The following TLK1 variants were observed in gnomAD, a reference collection of about 807,000 sequenced individuals.
TLK1 encodes serine/threonine-protein kinase tousled-like 1.
A neutral mutation model predicts 105.3 loss-of-function variants in TLK1; 24 were observed. That is an observed-to-expected ratio of 0.23 (90% CI 0.17 to 0.32). TLK1 has a LOEUF of 0.32. TLK1 is among the 10% of genes least tolerant of loss of function. The pLI is 1.00. For synonymous variants in TLK1, 321 were observed against 310.4 expected, an observed-to-expected ratio of 1.03 and a Z score of -0.36; for missense variants, 558 against 910.5, an observed-to-expected ratio of 0.61 and a Z score of 4.98.
At chr2:171,221,863 C>T (rs1208050620) in intron 1 of TLK1, among the ~76,000 whole-genome samples, 1 of 152,144 alleles carries the variant, frequency 6.6e-6, no homozygotes, top group African/African-American at 2.4e-5. Flanking sequence ...CCTTATTGGG[C>T]CTTATTTAAC....
intron 1 of TLK1, among the ~76,000 whole-genome samples, chr2:171,226,389 A>G (rs557354721): frequency 3.5e-4 from 54 of 152,320 alleles, no homozygotes; most frequent in Middle Eastern, 6.8e-3. Context: ...ATTTCCTAAA[A>G]GGCATCTGGT....
intron 1 of TLK1, among the ~76,000 whole-genome samples, chr2:171,202,051 T>C (rs1693410005): frequency 6.6e-6 from 1 of 152,224 alleles, no homozygotes; most frequent in African/African-American, 2.4e-5. Context: ...ATTTTGTTAA[T>C]GTTTATTGAG....
chr2:171,142,426 G>A (rs936962610), intron 1 of TLK1, among the ~76,000 whole-genome samples: 4 of 152,108 alleles, frequency 2.6e-5, no homozygotes, highest in African/African-American at 9.7e-5. Context: ...AAAGCTGAAA[G>A]AATGGAAAAA....
intron 1 of TLK1, among the ~76,000 whole-genome samples, chr2:171,229,703 GC>G (rs1387970871): frequency 6.6e-6 from 1 of 152,190 alleles, no homozygotes; most frequent in Non-Finnish European, 1.5e-5. Context: ...ATTCAAGAGA[GC>G]CCTCTCATAA....
intron 11 of TLK1, among the ~76,000 whole-genome samples, chr2:171,034,671 A>G (rs913542074): frequency 5.9e-5 from 9 of 152,208 alleles, no homozygotes; most frequent in Non-Finnish European, 8.8e-5. Flanking sequence ...GTGATGGTAC[A>G]TAACACTGTG....
chr2:171,184,794 A>G (rs772790445), intron 1 of TLK1, among the ~76,000 whole-genome samples: 2 of 152,028 alleles, frequency 1.3e-5, no homozygotes, highest in Non-Finnish European at 2.9e-5. Flanking sequence ...ATCCTGATCC[A>G]TTTATCAGAA....
At chr2:171,025,211 C>T (rs1047979973) in intron 12 of TLK1, among the ~76,000 whole-genome samples, 40 of 152,168 alleles carry the variant, frequency 2.6e-4, no homozygotes, top group Non-Finnish European at 1.6e-4. Context: ...ATGAACTAAA[C>T]TTCATGATTT....
At chr2:171,067,089 T>C (rs1688032369) in intron 3 of TLK1, 1 of 1,029,862 alleles carries the variant, frequency 9.7e-7, no homozygotes, top group East Asian at 2.8e-5. Context: ...AATCCCTAGG[T>C]CTGTACAATT....
intron 1 of TLK1, among the ~76,000 whole-genome samples, chr2:171,126,938 A>C (rs568808042): frequency 6.6e-6 from 1 of 152,046 alleles, no homozygotes; most frequent in African/African-American, 2.4e-5. Flanking sequence ...ATTCCTTTTC[A>C]TTAGTTTTTT....
rs1691108977 is a variant in TLK1, at chr2:171,131,580, T to C, written c.140-13723A>G. ...TTCTTTCAATTATTATATTTCTGAC[T>C]TCATATTTCTTCATATTTCTTCCCC... On this transcript the variant is annotated intron_variant, in intron 1 of 20. Transcript: ENST00000431350. Among the ~76,000 whole-genome samples, 6 of 152,124 alleles carry C rather than the reference T, an allele frequency of 3.9e-5. No homozygotes were observed. The South Asian group carries it at 1.2e-3, about 31-fold the overall frequency.
At chr2:171,087,031 G>A (rs564038305) in intron 2 of TLK1, among the ~76,000 whole-genome samples, 3 of 152,236 alleles carry the variant, frequency 2.0e-5, no homozygotes, top group East Asian at 3.9e-4. Context: ...TTAAATTTCA[G>A]TCTAGCCAAG....
At chr2:171,225,819 CCTAAA>C (rs1693887291) in intron 1 of TLK1, among the ~76,000 whole-genome samples, 2 of 152,158 alleles carry the variant, frequency 1.3e-5, no homozygotes, top group Non-Finnish European at 2.9e-5. Context: ...CTTTCCCTGA[CCTAAA>C]CTGAGAATCA....
chr2:171,093,267 A>T (rs1350985211), intron 2 of TLK1, among the ~76,000 whole-genome samples: 2 of 152,226 alleles, frequency 1.3e-5, no homozygotes, highest in African/African-American at 4.8e-5. Context: ...GAAACAAATA[A>T]TTAAAATGTG....
At chr2:171,196,010 C>A (rs1174743671) in intron 1 of TLK1, among the ~76,000 whole-genome samples, 3 of 122,090 alleles carry the variant, frequency 2.5e-5, no homozygotes, top group Admixed American at 1.1e-4. Flanking sequence ...TGCACTCCAG[C>A]CTGAGTAACA....
chr2:171,037,663 A>G (rs1335866545), intron 11 of TLK1, among the ~76,000 whole-genome samples: 3 of 152,186 alleles, frequency 2.0e-5, no homozygotes, highest in East Asian at 3.8e-4. Context: ...AAAGTTATAT[A>G]TATTTTTCTG....
intron 3 of TLK1, chr2:171,066,719 C>T: frequency 1.1e-6 from 1 of 946,618 alleles, no homozygotes; most frequent in Admixed American, 3.1e-5. Context: ...ATTTTCTTAT[C>T]ACTTACGTAG....
chr2:171,091,759 T>C (rs1338091850), intron 2 of TLK1: 2 of 146,300 alleles, frequency 1.4e-5, no homozygotes, highest in African/African-American at 5.2e-5. Context: ...TTGTTGTTGT[T>C]GTTTAGACGG....
At chr2:171,203,644 T>C (rs1401670558) in intron 1 of TLK1, among the ~76,000 whole-genome samples, 2 of 152,228 alleles carry the variant, frequency 1.3e-5, no homozygotes, top group Admixed American at 6.5e-5. Context: ...ATAATGCTGC[T>C]AGGAGCATGA....
intron 1 of TLK1, among the ~76,000 whole-genome samples, chr2:171,134,725 CTTTTTTTTTTTTT>C (rs572825171): frequency 9.6e-6 from 1 of 103,810 alleles, no homozygotes; most frequent in African/African-American, 4.0e-5. Context: ...ACTATTTGGC[CTTTTTTTTTTTTT>C]TTTTTTTTTT....
Sources: allele counts gnomAD v4.1 joint callset (sites outside exome capture counted in the v4.1 genomes callset), GRCh38; gene constraint gnomAD v4.1.1; transcripts MANE v1.5; gene names NCBI Gene and HGNC (gene_info 2026-07-23, HGNC 2026-07-21).